TACC2: variants seen among roughly 807,000 people sequenced by gnomAD.
The protein encoded by TACC2 is transforming acidic coiled-coil-containing protein 2.
TACC2 carries 137 observed loss-of-function variants against 227.3 expected under a neutral mutation model. That is an observed-to-expected ratio of 0.60 (90% CI 0.52 to 0.69). TACC2 has a LOEUF of 0.69. TACC2 is among the 30% of genes least tolerant of loss of function. The pLI, the probability that TACC2 is intolerant of heterozygous loss-of-function variation, is 0.00. For missense variants in TACC2, 3,470 were observed against 3,694.4 expected (o/e 0.94, Z 1.57); for synonymous variants, 1,523 against 1,487.5 (o/e 1.02, Z -0.55).
chr10:122,057,831 A>C (rs1421821357), intron 3 of TACC2, among the ~76,000 whole-genome samples: 2 of 152,038 alleles, frequency 1.3e-5, no homozygotes, highest in Admixed American at 6.6e-5. Context: ...CGTCTCAAAA[A>C]AACAAAAACA....
At chr10:121,990,868 A>G (rs760526737) in intron 1 of TACC2, among the ~76,000 whole-genome samples, 2 of 152,014 alleles carry the variant, frequency 1.3e-5, no homozygotes, top group Non-Finnish European at 2.9e-5. Context: ...GCTCACTGCA[A>G]CCTCTGCCTC....
intron 7 of TACC2, among the ~76,000 whole-genome samples, chr10:122,181,583 A>G (rs903464794): frequency 6.6e-6 from 1 of 152,188 alleles, no homozygotes; most frequent in Non-Finnish European, 1.5e-5. Context: ...AACCTGTCCA[A>G]AGTTACTCAC....
At chr10:122,149,509 G>A (rs1226706998) in intron 7 of TACC2, among the ~76,000 whole-genome samples, 3 of 118,084 alleles carry the variant, frequency 2.5e-5, no homozygotes, top group African/African-American at 9.7e-5. Context: ...GGCCCCACCC[G>A]CCCTGGGCAG....
intron 1 of TACC2, among the ~76,000 whole-genome samples, chr10:122,002,011 A>G (rs2135100558): frequency 6.6e-6 from 1 of 152,370 alleles, no homozygotes; most frequent in African/African-American, 2.4e-5. Context: ...ACAGAATATC[A>G]TAGACTGGTG....
Position 122,200,627 on chromosome 10 carries a change from C to T in TACC2, c.5971+5451C>T, listed in dbSNP as rs56987553. Among the ~76,000 whole-genome samples, 4 of 135,340 alleles carry T rather than the reference C, an allele frequency of 3.0e-5. No individual in the cohort carries two copies. In the South Asian group the frequency reaches 7.2e-4, roughly 24 times the overall value. 88.8% of individuals were successfully genotyped at this position (135,340 alleles called of 152,430 possible). A position where few individuals can be genotyped will look rare whatever the true frequency, so the allele number is the denominator to read the frequency against. On this transcript the variant is annotated intron_variant, in intron 8 of 22. Transcript: ENST00000369005. The stretch of plus-strand genomic sequence containing the variant: ...GCCACATCTACAGTGAGAGGACGGC[C>T]ACCTCACCTGCCCACAGTGGCCACA...
At chr10:122,208,949 A>G (rs773098290) in intron 8 of TACC2, among the ~76,000 whole-genome samples, 17 of 152,228 alleles carry the variant, frequency 1.1e-4, no homozygotes, top group Non-Finnish European at 1.9e-4. Flanking sequence ...GAAATGCATG[A>G]AAGATGCCGC....
rs145338594 is a variant in TACC2 at position 121,992,816 on chromosome 10, G to T, written c.-46+3328G>T. Among the ~76,000 whole-genome samples, 1,066 of 152,154 alleles carry T rather than the reference G, an allele frequency of 7.0e-3. 7 individuals are homozygous for T. The highest frequency in any genetic ancestry group is 0.025 in the African/African-American group (1,033 of 41,516). On this transcript the variant is annotated intron_variant, in intron 1 of 22. Transcript: ENST00000369005. The stretch of plus-strand genomic sequence containing the variant: ...CTAAAATACAAAAAATTAGCCAGGC[G>T]TGGCAGTGGGCACCTGTAGTCCCAG...
At chr10:122,218,006 G>A (rs2095445857) in intron 11 of TACC2, among the ~76,000 whole-genome samples, 1 of 151,166 alleles carries the variant, frequency 6.6e-6, no homozygotes, top group African/African-American at 2.4e-5. Context: ...GTGCAATGAT[G>A]TGATCTCGGC....
At chr10:122,012,418 C>CAAAGAA (rs1956054425) in intron 1 of TACC2, among the ~76,000 whole-genome samples, 1 of 60,726 alleles carries the variant, frequency 1.6e-5, no homozygotes, top group African/African-American at 7.2e-5. Context: ...GACTCCGTCT[C>CAAAGAA]AAAAAAAAAA....
intron 8 of TACC2, among the ~76,000 whole-genome samples, chr10:122,202,724 T>A (rs909533519): frequency 4.1e-5 from 6 of 147,372 alleles, no homozygotes; most frequent in African/African-American, 1.5e-4. Context: ...TTTGGCAGGG[T>A]CACAGGACAA....
intron 3 of TACC2, among the ~76,000 whole-genome samples, chr10:122,063,612 A>G (rs1397910993): frequency 6.6e-6 from 1 of 152,136 alleles, no homozygotes; most frequent in African/African-American, 2.4e-5. Context: ...CTTGGAACAT[A>G]GCGAAGAGTG....
chr10:122,230,322 T>C, intron 15 of TACC2, 29 bp from the exon 16 acceptor site: 1 of 1,585,244 alleles, frequency 6.3e-7, no homozygotes, highest in Non-Finnish European at 8.7e-7. Flanking sequence ...TGCATTTCCC[T>C]GCGGTTTGCC....
chr10:122,091,148 T>C (rs2080768560), intron 5 of TACC2, among the ~76,000 whole-genome samples: 1 of 152,126 alleles, frequency 6.6e-6, no homozygotes. Flanking sequence ...GCTGAGACTT[T>C]TGTACTCTCT....
intron 3 of TACC2, among the ~76,000 whole-genome samples, chr10:122,072,874 G>A (rs2078245121): frequency 6.6e-6 from 1 of 151,978 alleles, no homozygotes. Flanking sequence ...AGCACTTTGG[G>A]AGGCCAAGGA....
intron 7 of TACC2, chr10:122,163,402 G>T: frequency 4.2e-6 from 1 of 235,896 alleles, no homozygotes; most frequent in Non-Finnish European, 6.9e-6. Flanking sequence ...GCCGCGGCTC[G>T]TTTGCATTTC....
intron 1 of TACC2, among the ~76,000 whole-genome samples, chr10:121,991,325 T>C (rs946445678): frequency 3.3e-5 from 5 of 152,228 alleles, no homozygotes; most frequent in African/African-American, 1.2e-4. Flanking sequence ...TTTTAAATAA[T>C]CAGGAGCTCT....
chr10:122,108,674 G>C (rs2083225663), intron 5 of TACC2, among the ~76,000 whole-genome samples: 1 of 151,470 alleles, frequency 6.6e-6, no homozygotes, highest in Non-Finnish European at 1.5e-5. Flanking sequence ...TCAATCTCTT[G>C]ACTCATGATC....
intron 5 of TACC2, among the ~76,000 whole-genome samples, chr10:122,130,146 C>T (rs2087763770): frequency 1.3e-5 from 2 of 152,186 alleles, no homozygotes; most frequent in Non-Finnish European, 1.5e-5. Flanking sequence ...CAGGCACACA[C>T]TACCATGCAC....
intron 1 of TACC2, among the ~76,000 whole-genome samples, chr10:121,997,504 A>G (rs1953682743): frequency 6.6e-6 from 1 of 152,174 alleles, no homozygotes; most frequent in African/African-American, 2.4e-5. Flanking sequence ...CCTTAGTCCA[A>G]TTAGCAGGGT....
Sources: allele counts gnomAD v4.1 joint callset (sites outside exome capture counted in the v4.1 genomes callset), GRCh38; gene constraint gnomAD v4.1.1; transcripts MANE v1.5; gene names NCBI Gene and HGNC (gene_info 2026-07-23, HGNC 2026-07-21).